The following RSBN1 variants were observed in gnomAD, a reference collection of about 807,000 sequenced individuals.
The protein encoded by RSBN1 is lysine-specific demethylase 9.
Under a neutral mutation model 74.8 loss-of-function variants are expected in RSBN1, and 23 were observed. The ratio of observed to expected loss-of-function variants is 0.31; its 90% CI spans 0.22 to 0.44. The LOEUF is 0.44. Among genes scored for constraint, RSBN1 ranks in the 20% least tolerant of loss-of-function variants. RSBN1 has a pLI of 1.00. For missense variants in RSBN1, 808 were observed against 1,020.9 expected (o/e 0.79, Z 2.84); for synonymous variants, 407 against 379.6 (o/e 1.07, Z -0.84).
intron 1 of RSBN1, among the ~76,000 whole-genome samples, chr1:113,809,865 G>A (rs1660795259): frequency 6.6e-6 from 1 of 152,128 alleles, no homozygotes; most frequent in African/African-American, 2.4e-5. Flanking sequence ...AGTCTGTTCA[G>A]GAACCACATA....
chr1:113,769,943 T>C (rs550736279), intron 4 of RSBN1, among the ~76,000 whole-genome samples: 3 of 152,348 alleles, frequency 2.0e-5, no homozygotes, highest in East Asian at 1.9e-4. Flanking sequence ...GAGTAGACTA[T>C]GGCTACCCAC....
At chr1:113,802,696 G>A (rs1660609695) in intron 1 of RSBN1, among the ~76,000 whole-genome samples, 1 of 150,738 alleles carries the variant, frequency 6.6e-6, no homozygotes, top group Non-Finnish European at 1.5e-5. Context: ...TTTTCCCTAA[G>A]CCTTTACTTT....
intron 2 of RSBN1, among the ~76,000 whole-genome samples, chr1:113,792,920 T>C (rs912400350): frequency 6.6e-6 from 1 of 152,208 alleles, no homozygotes; most frequent in Non-Finnish European, 1.5e-5. Context: ...AAGGATCAGC[T>C]TACTGTTTCA....
At chr1:113,785,347 G>A (rs796084638) in intron 2 of RSBN1, among the ~76,000 whole-genome samples, 2 of 152,064 alleles carry the variant, frequency 1.3e-5, no homozygotes, top group Non-Finnish European at 2.9e-5. Flanking sequence ...ATCTGTCTGA[G>A]GGTGTTTTAC....
intron 1 of RSBN1, among the ~76,000 whole-genome samples, chr1:113,809,077 C>T (rs1235926287): frequency 6.6e-6 from 1 of 151,372 alleles, no homozygotes; most frequent in African/African-American, 2.4e-5. Flanking sequence ...AAATAGTTTC[C>T]AAAAATCTGA....
chr1:113,804,728 TA>T (rs1400228862), intron 1 of RSBN1, among the ~76,000 whole-genome samples: 4 of 152,214 alleles, frequency 2.6e-5, no homozygotes, highest in African/African-American at 9.6e-5. Flanking sequence ...GTTGTTCTGA[TA>T]AATAAGATTG....
chr1:113,794,631 T>C (rs758545466), intron 2 of RSBN1, among the ~76,000 whole-genome samples: 2 of 152,240 alleles, frequency 1.3e-5, no homozygotes, highest in Non-Finnish European at 2.9e-5. Context: ...ATTAACATGC[T>C]TTCAAGATTG....
In RSBN1 at chr1:113,812,009, G is replaced by A. The variant is rs1271763377; in HGVS notation, c.404C>T (p.Pro135Leu). 3.9e-6 allele frequency: 6 copies of A among 1,543,924 alleles called. No homozygotes were observed. ...LPPTNAAPTVPGPVEPLLLPP... is the reference protein window; with the variant it reads ...LPPTNAAPTVLGPVEPLLLPP... ...CAGGAGAAGAGGCTCAACAGGGCCT[G>A]GGACAGTTGGGGCTGCATTCGTTGG... The change falls in exon 1 of 7, where the codon CCA becomes CTA. Residue 135 changes from proline (P) to leucine (L), a missense_variant. Coordinates refer to ENST00000261441, the MANE Select transcript of RSBN1 (RefSeq NM_018364.5).
At chr1:113,768,480 G>C in intron 4 of RSBN1, 91 bp from the exon 5 acceptor site, 1 of 878,502 alleles carries the variant, frequency 1.1e-6, no homozygotes, top group African/African-American at 1.7e-5. Flanking sequence ...AAAAAAGTCT[G>C]CTAAAATACC....
intron 4 of RSBN1, among the ~76,000 whole-genome samples, chr1:113,776,063 T>G (rs1020185483): frequency 3.9e-5 from 6 of 152,176 alleles, no homozygotes; most frequent in African/African-American, 1.4e-4. Flanking sequence ...TTAAATTAGA[T>G]TTTTCAAAGT....
intron 5 of RSBN1, among the ~76,000 whole-genome samples, chr1:113,767,473 C>T (rs114142556): frequency 6.6e-5 from 10 of 152,250 alleles, no homozygotes; most frequent in African/African-American, 2.2e-4. Flanking sequence ...GCAGTCCTCT[C>T]GCCACTTTGT....
chr1:113,770,273 T>C (rs1659863845), intron 4 of RSBN1, among the ~76,000 whole-genome samples: 1 of 152,168 alleles, frequency 6.6e-6, no homozygotes, highest in Non-Finnish European at 1.5e-5. Context: ...TAGAACTGCC[T>C]CAGCCATCTA....
At chr1:113,772,490 A>T (rs1455491348) in intron 4 of RSBN1, among the ~76,000 whole-genome samples, 4 of 152,130 alleles carry the variant, frequency 2.6e-5, no homozygotes, top group Non-Finnish European at 5.9e-5. Context: ...GGGAAGGAAA[A>T]GTGGGCAGGA....
In RSBN1 at chr1:113,812,040, GCGGCCCAGGATGTTGGCGGCTGCGA is replaced by G; in HGVS notation, c.348_372del (p.Arg117CysfsTer52). ...GTTGGGGCTGCATTCGTTGGCGGCA[GCGGCCCAGGATGTTGGCGGCTGCGA>G]CGCCGCCGGTGAGGGGGAGCGAGAG... On this transcript the variant is annotated frameshift_variant, in exon 1 of 7. Transcript: ENST00000261441. LOFTEE classifies it high-confidence loss of function. 1 of 1,533,030 alleles carries G rather than the reference GCGGCCCAGGATGTTGGCGGCTGCGA, an allele frequency of 6.5e-7. No homozygotes were observed. The allele number at this position is 1,533,030 out of a possible 1,614,324, so 95.0% of individuals were successfully genotyped here.
rs989051626 is a variant in RSBN1, at chr1:113,764,366, T to C, written c.*1614A>G. ...GTAACAGAGAATACATACATATACA[T>C]ATATATAAGGAATAATACAGATTCT... On this transcript the variant is annotated 3_prime_UTR_variant, in exon 7 of 7. Transcript: ENST00000261441. The C allele has an allele frequency of 1.3e-5, 2 of 152,722 alleles. No individual in the cohort carries two copies. Among genetic ancestry groups the C allele is most frequent in the African/African-American group, 4.8e-5 (2 of 41,428 alleles). 9.5% of individuals were successfully genotyped at this position (152,722 alleles called of 1,614,324 possible). A position where few individuals can be genotyped will look rare whatever the true frequency, so the allele number is the denominator to read the frequency against.
intron 2 of RSBN1, among the ~76,000 whole-genome samples, chr1:113,784,029 C>G (rs1338143388): frequency 6.6e-6 from 1 of 152,140 alleles, no homozygotes; most frequent in East Asian, 1.9e-4. Context: ...ATATCTATAA[C>G]TAGGGCACAC....
intron 1 of RSBN1, among the ~76,000 whole-genome samples, chr1:113,805,025 C>G (rs576547745): frequency 6.6e-6 from 1 of 151,940 alleles, no homozygotes; most frequent in Non-Finnish European, 1.5e-5. Context: ...TCCTTTCTTT[C>G]CTTTTTAACA....
At chr1:113,772,213 G>A (rs1659898214) in intron 4 of RSBN1, among the ~76,000 whole-genome samples, 1 of 152,058 alleles carries the variant, frequency 6.6e-6, no homozygotes, top group African/African-American at 2.4e-5. Context: ...TGTAGGGACA[G>A]CTGACTGAAA....
chr1:113,789,538 C>T (rs1231069571), intron 2 of RSBN1, among the ~76,000 whole-genome samples: 2 of 152,172 alleles, frequency 1.3e-5, no homozygotes, highest in Non-Finnish European at 1.5e-5. Context: ...AAGAGGGGAT[C>T]GTGGGAACCC....
Sources: allele counts gnomAD v4.1 joint callset (sites outside exome capture counted in the v4.1 genomes callset), GRCh38; gene constraint gnomAD v4.1.1; transcripts MANE v1.5; gene names NCBI Gene and HGNC (gene_info 2026-07-23, HGNC 2026-07-21).